NR3C2: variants seen among roughly 807,000 people sequenced by gnomAD.
NR3C2 encodes nuclear receptor subfamily 3 group C member 2.
In NR3C2, 15 loss-of-function variants were observed where a neutral mutation model predicts 86.4. That is an observed-to-expected ratio of 0.17 (90% CI 0.12 to 0.27). The LOEUF (loss-of-function observed/expected upper bound fraction) is 0.27. Among genes scored for constraint, NR3C2 ranks in the 10% least tolerant of loss-of-function variants. The pLI, the probability that NR3C2 is intolerant of heterozygous loss-of-function variation, is 1.00. For missense variants in NR3C2, 960 were observed against 1,195.6 expected, an observed-to-expected ratio of 0.80 and a Z score of 2.91; for synonymous variants, 458 against 450.5, an observed-to-expected ratio of 1.02 and a Z score of -0.21.
chr4:148,310,269 T>C (rs1742843282), intron 2 of NR3C2, among the ~76,000 whole-genome samples: 1 of 152,116 alleles, frequency 6.6e-6, no homozygotes, highest in South Asian at 2.1e-4. Flanking sequence ...CCCAGCAAAA[T>C]CCCACCTGTG....
intron 4 of NR3C2, among the ~76,000 whole-genome samples, chr4:148,169,806 T>C (rs1735042751): frequency 2.0e-5 from 3 of 152,216 alleles, no homozygotes; most frequent in Non-Finnish European, 4.4e-5. Context: ...ATGCAGAATC[T>C]TGGGCTGCCC....
rs910420950 is a variant in NR3C2, at chr4:148,080,410, C to T, written c.*934G>A. On this transcript the variant is annotated 3_prime_UTR_variant, in exon 9 of 9. Transcript: ENST00000358102. Reference sequence around the variant, plus strand: ...GGCACAGCTTTCCCTTTCTTAAATACACTGTAAACGGTTCATTATGCATGC... The same window carrying T: ...GGCACAGCTTTCCCTTTCTTAAATATACTGTAAACGGTTCATTATGCATGC... The T allele has an allele frequency of 6.6e-6, 1 of 152,626 alleles. No homozygotes were observed. Among genetic ancestry groups the T allele is most frequent in the Non-Finnish European group, 1.5e-5 (1 of 68,050 alleles). 9.5% of individuals were successfully genotyped at this position (152,626 alleles called of 1,614,324 possible). A position where few individuals can be genotyped will look rare whatever the true frequency, so the allele number is the denominator to read the frequency against.
At chr4:148,114,630 C>T (rs1732192197) in intron 7 of NR3C2, among the ~76,000 whole-genome samples, 1 of 152,190 alleles carries the variant, frequency 6.6e-6, no homozygotes, top group South Asian at 2.1e-4. Context: ...CAACTTAGGT[C>T]TGTCTGTTTC....
intron 8 of NR3C2, among the ~76,000 whole-genome samples, chr4:148,098,523 G>A (rs1376293060): frequency 6.6e-6 from 1 of 152,040 alleles, no homozygotes; most frequent in Non-Finnish European, 1.5e-5. Context: ...GAGTATTTAC[G>A]GCATTAGAGC....
At chr4:148,125,160 C>G (rs1732685421) in intron 6 of NR3C2, among the ~76,000 whole-genome samples, 1 of 152,222 alleles carries the variant, frequency 6.6e-6, no homozygotes, top group African/African-American at 2.4e-5. Context: ...AAGCATTTTA[C>G]TTGTTCTGGA....
chr4:148,442,406 G>A lies in NR3C2; in HGVS notation c.-249C>T, dbSNP rs886059133. On this transcript the variant is annotated 5_prime_UTR_variant, in exon 1 of 9. Coordinates refer to ENST00000358102, the MANE Select transcript of NR3C2 (RefSeq NM_000901.5). ...CCCAATGACACCCCGGGCGCGGAGGGGCTGAGAGGAGGGGGCAGGGGCAGG... is the reference window on the plus strand; with the variant it reads ...CCCAATGACACCCCGGGCGCGGAGGAGCTGAGAGGAGGGGGCAGGGGCAGG... 5 of 155,684 alleles carry A rather than the reference G, an allele frequency of 3.2e-5. No homozygotes were observed. Among genetic ancestry groups the A allele is most frequent in the Non-Finnish European group, 7.1e-5 (5 of 70,618 alleles). 9.6% of individuals were successfully genotyped at this position (155,684 alleles called of 1,614,324 possible).
chr4:148,157,795 A>G (rs1734471939), intron 4 of NR3C2, among the ~76,000 whole-genome samples: 1 of 152,214 alleles, frequency 6.6e-6, no homozygotes, highest in South Asian at 2.1e-4. Context: ...GTAGAGTAGG[A>G]CTATGTTACA....
intron 2 of NR3C2, among the ~76,000 whole-genome samples, chr4:148,355,478 A>T (rs1188443162): frequency 6.6e-6 from 1 of 152,160 alleles, no homozygotes; most frequent in East Asian, 1.9e-4. Flanking sequence ...TTCTTTTCAG[A>T]CAGCTGACTG....
chr4:148,332,858 T>C (rs1561047702), intron 2 of NR3C2, among the ~76,000 whole-genome samples: 1 of 152,114 alleles, frequency 6.6e-6, no homozygotes, highest in Non-Finnish European at 1.5e-5. Context: ...TGTGTTAGAG[T>C]GTGTATGTGT....
At chr4:148,175,743 ATTT>A (rs1308977114) in intron 4 of NR3C2, among the ~76,000 whole-genome samples, 1 of 152,156 alleles carries the variant, frequency 6.6e-6, no homozygotes, top group African/African-American at 2.4e-5. Flanking sequence ...AACAGTTTGA[ATTT>A]TTACTTGTGA....
rs1371663081 is a variant in NR3C2, at chr4:148,186,988, GTATGTATGTATATATATATA to G, written c.2014+7738_2014+7757del. On this transcript the variant is annotated intron_variant, in intron 4 of 8. Coordinates refer to ENST00000358102, the MANE Select transcript of NR3C2 (RefSeq NM_000901.5). ...ATAGTATTCCATCATACTGATGTGT[GTATGTATGTATATATATATA>G]TATATATATATATATATATATATAT... 5.1e-4 allele frequency among the ~76,000 whole-genome samples: 7 copies of G among 13,704 alleles called. 1 individual carries two copies. The highest frequency in any genetic ancestry group is 2.5e-3 in the Admixed American group (3 of 1,180). 9.0% of individuals were successfully genotyped at this position (13,704 alleles called of 152,430 possible).
At chr4:148,097,172 C>T (rs186582033) in intron 8 of NR3C2, among the ~76,000 whole-genome samples, 23 of 152,184 alleles carry the variant, frequency 1.5e-4, no homozygotes, top group Middle Eastern at 3.4e-3. Flanking sequence ...GCTAGGTAAC[C>T]GAAGACGTCA....
intron 8 of NR3C2, among the ~76,000 whole-genome samples, chr4:148,105,591 C>T (rs955562249): frequency 2.6e-5 from 4 of 152,150 alleles, no homozygotes; most frequent in African/African-American, 7.2e-5. Context: ...AAACTTCAGG[C>T]AAATATCCCT....
intron 1 of NR3C2, among the ~76,000 whole-genome samples, chr4:148,440,465 T>C (rs1750280445): frequency 2.0e-5 from 3 of 152,258 alleles, no homozygotes; most frequent in South Asian, 2.1e-4. Context: ...AAAAAGTTTA[T>C]GTTACTAAAG....
chr4:148,267,874 A>G (rs1740477211), intron 2 of NR3C2, among the ~76,000 whole-genome samples: 1 of 152,036 alleles, frequency 6.6e-6, no homozygotes, highest in South Asian at 2.1e-4. Context: ...CACTTAAAAC[A>G]TACTTTAAAA....
intron 3 of NR3C2, among the ~76,000 whole-genome samples, chr4:148,216,639 A>G (rs111396861): frequency 0.014 from 2,087 of 152,270 alleles, 19 homozygotes; most frequent in Non-Finnish European, 0.02. Context: ...AATCCTTTCA[A>G]TTTATTAAAT....
intron 2 of NR3C2, among the ~76,000 whole-genome samples, chr4:148,413,161 A>G (rs1748795702): frequency 6.6e-6 from 1 of 152,194 alleles, no homozygotes; most frequent in South Asian, 2.1e-4. Context: ...GCTTCTAAAT[A>G]GCTATATAGC....
At chr4:148,422,138 G>GA (rs746556908) in intron 2 of NR3C2, among the ~76,000 whole-genome samples, 2 of 151,862 alleles carry the variant, frequency 1.3e-5, no homozygotes, top group East Asian at 1.9e-4. Context: ...TTAAGAGGGG[G>GA]AAAAATGCTA....
intron 8 of NR3C2, among the ~76,000 whole-genome samples, chr4:148,102,529 CTT>C (rs747827708): frequency 2.0e-5 from 3 of 152,122 alleles, no homozygotes; most frequent in Non-Finnish European, 2.9e-5. Flanking sequence ...GGGGAGTTCT[CTT>C]TGACTTGCTC....
Sources: allele counts gnomAD v4.1 joint callset (sites outside exome capture counted in the v4.1 genomes callset), GRCh38; gene constraint gnomAD v4.1.1; transcripts MANE v1.5; gene names NCBI Gene and HGNC (gene_info 2026-07-23, HGNC 2026-07-21).